The following MAP3K4 variants were observed in gnomAD, a reference collection of about 807,000 sequenced individuals.
The protein encoded by MAP3K4 is MAP three kinase 1.
A neutral mutation model predicts 185.6 loss-of-function variants in MAP3K4; 67 were observed. The ratio of observed to expected loss-of-function variants is 0.36; its 90% CI spans 0.30 to 0.44. The LOEUF (loss-of-function observed/expected upper bound fraction) is 0.44, where lower values mean the gene tolerates loss of function less well. Ranked by LOEUF, MAP3K4 falls within the 20% of genes least tolerant of loss-of-function variation. The pLI is 1.00. For missense variants in MAP3K4, 1,551 were observed against 1,995.1 expected (o/e 0.78, Z 4.24); for synonymous variants, 702 against 710.4 (o/e 0.99, Z 0.19).
chr6:161,028,168 G>A (rs1304347130), intron 1 of MAP3K4, among the ~76,000 whole-genome samples: 1 of 152,120 alleles, frequency 6.6e-6, no homozygotes, highest in Non-Finnish European at 1.5e-5. Flanking sequence ...GTTTCATCAG[G>A]GACCCCCAAA....
chr6:161,049,977 G>A lies in MAP3K4; in HGVS notation c.1705G>A (p.Glu569Lys). 1 of 1,598,098 alleles carries A rather than the reference G, an allele frequency of 6.3e-7. No homozygotes were observed. The highest frequency in any genetic ancestry group is 8.5e-7 in the Non-Finnish European group (1 of 1,173,244). The change falls in exon 3 of 27, where the codon GAG (glutamate) becomes AAG (lysine). Residue 569 changes from glutamate to lysine, a missense_variant and splice_region_variant. Physicochemically the swap from Glu to Lys is moderately conservative, Grantham distance 56 (BLOSUM62 1). Around this residue, in one of 16 missense-constraint regions of MAP3K4, gnomAD observed 86 missense variants for 81.6 expected, o/e 1.05. Coordinates refer to ENST00000392142, the MANE Select transcript of MAP3K4 (RefSeq NM_005922.4). The surrounding 1 kb of genome is among the most constrained non-coding windows in gnomAD (Gnocchi z 8.4). ...IALVKNDRPV[E>K]FSEFPDPMWG... Reference sequence around the variant, plus strand: ...ATTGGTAAAGAACGATCGTCCAGTGGAGGTAGGTTTCCAGTAGGTATTAAT... The same window carrying A: ...ATTGGTAAAGAACGATCGTCCAGTGAAGGTAGGTTTCCAGTAGGTATTAAT...
chr6:161,111,760 G>A (rs924690782), intron 23 of MAP3K4, 76 bp from the exon 24 acceptor site: 57 of 1,397,006 alleles, frequency 4.1e-5, no homozygotes, highest in Non-Finnish European at 5.6e-5. Flanking sequence ...GAAGTTCCTG[G>A]TCGTTTAGAT....
chr6:161,103,448 G>T lies in MAP3K4; in HGVS notation c.3856+669G>T, dbSNP rs1467478740. On this transcript the variant is annotated intron_variant, in intron 19 of 26. Transcript: ENST00000392142. The surrounding 1 kb of genome is among the most constrained non-coding windows in gnomAD (Gnocchi z 4.6). ...GATGTCTGGAAGGATTTTGTGGAGGGAGGAGACTGGGCTGGCCCTTTGAAG... is the reference window on the plus strand; with the variant it reads ...GATGTCTGGAAGGATTTTGTGGAGGTAGGAGACTGGGCTGGCCCTTTGAAG... Among the ~76,000 whole-genome samples the T allele has an allele frequency of 6.6e-6, 1 of 152,204 alleles. No homozygotes were observed. Among genetic ancestry groups the T allele is most frequent in the African/African-American group, 2.4e-5 (1 of 41,434 alleles).
chr6:161,036,122 G>A (rs537948826), intron 2 of MAP3K4, among the ~76,000 whole-genome samples: 4 of 152,266 alleles, frequency 2.6e-5, no homozygotes, highest in African/African-American at 9.6e-5. Context: ...AGGTTCTGTT[G>A]TCCTGCTGGT....
intron 1 of MAP3K4, among the ~76,000 whole-genome samples, chr6:161,005,520 GT>G (rs1228603444): frequency 5.3e-5 from 8 of 152,030 alleles, no homozygotes; most frequent in Admixed American, 2.0e-4. Context: ...CATTGATTAA[GT>G]CAATTTAGTA....
At position 161,108,656 on chromosome 6, in the gene MAP3K4, G is replaced by T; in HGVS notation, c.4120-87G>T. The T allele has an allele frequency of 1.3e-6, 1 of 769,308 alleles. No individual in the cohort carries two copies. The allele number at this position is 769,308 out of a possible 1,614,324, so 47.7% of individuals were successfully genotyped here. Reference sequence around the variant, plus strand: ...ACAAATCATGATTACATATATTTATGGGGTGCAAAATGATGTTTCAGTGTA... The same window carrying T: ...ACAAATCATGATTACATATATTTATTGGGTGCAAAATGATGTTTCAGTGTA... On this transcript the variant is annotated intron_variant, in intron 21 of 26. Transcript: ENST00000392142. This position sits in a 1 kb window ranked among gnomAD's most constrained non-coding sequence, Gnocchi z 5.7.
chr6:161,027,060 A>G (rs895821584), intron 1 of MAP3K4, among the ~76,000 whole-genome samples: 6 of 152,232 alleles, frequency 3.9e-5, no homozygotes, highest in African/African-American at 1.4e-4. Context: ...AGAAGACTTT[A>G]TACCAGAAGA....
intron 1 of MAP3K4, among the ~76,000 whole-genome samples, chr6:161,025,661 A>G (rs1196801620): frequency 1.3e-5 from 2 of 152,256 alleles, no homozygotes; most frequent in Non-Finnish European, 2.9e-5. Flanking sequence ...TGCCAATGAT[A>G]TAGAATGTTT....
In MAP3K4 at chr6:161,110,388, C is replaced by T. The variant is rs1175625590; in HGVS notation, c.4396+474C>T. ...ACACAAACCTTGAAATTGAGTTCTGCTGAAGGTTATTTTGGCCATGCTGAT... is the reference window on the plus strand; with the variant it reads ...ACACAAACCTTGAAATTGAGTTCTGTTGAAGGTTATTTTGGCCATGCTGAT... On this transcript the variant is annotated intron_variant, in intron 23 of 26. Coordinates refer to ENST00000392142, the MANE Select transcript of MAP3K4 (RefSeq NM_005922.4). This position sits in a 1 kb window ranked among gnomAD's most constrained non-coding sequence, Gnocchi z 4.8. 1.3e-5 allele frequency among the ~76,000 whole-genome samples: 2 copies of T among 152,124 alleles called. No individual in the cohort carries two copies. The highest frequency in any genetic ancestry group is 2.4e-5 in the African/African-American group (1 of 41,412).
chr6:161,014,562 C>T (rs1037720617), intron 1 of MAP3K4, among the ~76,000 whole-genome samples: 1 of 152,070 alleles, frequency 6.6e-6, no homozygotes, highest in Non-Finnish European at 1.5e-5. Flanking sequence ...TGAGATAGTC[C>T]CTTTTTTTAT....
In MAP3K4 at chr6:161,064,665, T is replaced by C. The variant is rs1197693763; in HGVS notation, c.1708-5943T>C. Among the ~76,000 whole-genome samples the C allele has an allele frequency of 6.6e-6, 1 of 152,236 alleles. No homozygotes were observed. The highest frequency in any genetic ancestry group is 1.5e-5 in the Non-Finnish European group (1 of 68,038). Reference sequence around the variant, plus strand: ...ACTTTCTTCCACATGGGCTTTATTATGGATTTGTCAAATCCACACAACATG... The same window carrying C: ...ACTTTCTTCCACATGGGCTTTATTACGGATTTGTCAAATCCACACAACATG... On this transcript the variant is annotated intron_variant, in intron 3 of 26. Coordinates refer to ENST00000392142, the MANE Select transcript of MAP3K4 (RefSeq NM_005922.4). This position sits in a 1 kb window ranked among gnomAD's most constrained non-coding sequence, Gnocchi z 4.3.
chr6:161,008,782 A>G lies in MAP3K4; in HGVS notation c.152+16699A>G, dbSNP rs1203808101. On this transcript the variant is annotated intron_variant, in intron 1 of 26. Coordinates refer to ENST00000392142, the MANE Select transcript of MAP3K4 (RefSeq NM_005922.4). The surrounding 1 kb of genome is among the most constrained non-coding windows in gnomAD (Gnocchi z 4.1). ...TTCTTTCCTCATTATCCTGACATTTACTGATATTTTACATCTACTACTTTC... is the reference window on the plus strand; with the variant it reads ...TTCTTTCCTCATTATCCTGACATTTGCTGATATTTTACATCTACTACTTTC... Among the ~76,000 whole-genome samples the G allele has an allele frequency of 6.6e-6, 1 of 152,120 alleles. No homozygotes were observed. The highest frequency in any genetic ancestry group is 1.5e-5 in the Non-Finnish European group (1 of 68,030).
rs182121801 is a variant in MAP3K4, at chr6:161,070,130, A to G, written c.1708-478A>G. On this transcript the variant is annotated intron_variant, in intron 3 of 26. Coordinates refer to ENST00000392142, the MANE Select transcript of MAP3K4 (RefSeq NM_005922.4). The surrounding 1 kb of genome is among the most constrained non-coding windows in gnomAD (Gnocchi z 4.5). ...CTCAGGGGAACAAATGGACAGAAGA[A>G]TTAGTGGAACTGATTAGTTTTTATG... Among the ~76,000 whole-genome samples the G allele has an allele frequency of 3.9e-5, 6 of 152,332 alleles. No individual in the cohort carries two copies. Among genetic ancestry groups the G allele is most frequent in the Admixed American group, 2.6e-4 (4 of 15,302 alleles).
chr6:161,069,052 T>C lies in MAP3K4; in HGVS notation c.1708-1556T>C, dbSNP rs539869924. 1.2e-4 allele frequency among the ~76,000 whole-genome samples: 18 copies of C among 152,340 alleles called. No homozygotes were observed. The South Asian group carries it at 3.7e-3, about 32-fold the overall frequency. The stretch of plus-strand genomic sequence containing the variant: ...AACAGTAGTGATTTTACTAATGTTA[T>C]ATGTAGTATGTTTTTAGAGCGTTTT... On this transcript the variant is annotated intron_variant, in intron 3 of 26. Coordinates refer to ENST00000392142, the MANE Select transcript of MAP3K4 (RefSeq NM_005922.4).
At position 161,092,048 on chromosome 6, in the gene MAP3K4, T is replaced by C. The variant is rs141688685; in HGVS notation, c.3174T>C (p.Phe1058=). 2 of 1,613,480 alleles carry C rather than the reference T, an allele frequency of 1.2e-6. No individual in the cohort carries two copies. Among genetic ancestry groups the C allele is most frequent in the African/African-American group, 2.7e-5 (2 of 74,930 alleles). ...TTGTTCGTTTGATGTCTGGGGAGTTTAGACAGAAGATAGGAGACAAATATA... is the reference window on the plus strand; with the variant it reads ...TTGTTCGTTTGATGTCTGGGGAGTTCAGACAGAAGATAGGAGACAAATATA... ...KEVVRLMSGE[F]RQKIGDKYIS... is the part of the protein sequence containing the mutation. The change falls in exon 13 of 27, where the codon TTT becomes TTC. Residue 1058 remains phenylalanine, a synonymous_variant. Coordinates refer to ENST00000392142, the MANE Select transcript of MAP3K4 (RefSeq NM_005922.4).
rs1781675714 is a variant in MAP3K4, at chr6:161,008,012, G to A, written c.152+15929G>A. 6.6e-6 allele frequency among the ~76,000 whole-genome samples: 1 copy of A among 152,172 alleles called. No homozygotes were observed. Among genetic ancestry groups the A allele is most frequent in the South Asian group, 2.1e-4 (1 of 4,832 alleles). ...ACTTTTTATGTGATAAATATGGTAA[G>A]GCATAGCTATTGTCTTCTATAAAAT... On this transcript the variant is annotated intron_variant, in intron 1 of 26. Transcript: ENST00000392142. The surrounding 1 kb of genome is among the most constrained non-coding windows in gnomAD (Gnocchi z 4.1).
chr6:161,084,474 G>T lies in MAP3K4; in HGVS notation c.2256-27G>T. The T allele has an allele frequency of 9.1e-7, 1 of 1,103,484 alleles. No homozygotes were observed. The allele number at this position is 1,103,484 out of a possible 1,614,324, so 68.4% of individuals were successfully genotyped here. ...ATGAGTAGGGACAGTTTTCTTCTCT[G>T]TTTTATTTTTATTTTTGTTCCCTTA... On this transcript the variant is annotated intron_variant, in intron 6 of 26. Transcript: ENST00000392142. The surrounding 1 kb of genome is among the most constrained non-coding windows in gnomAD (Gnocchi z 4.6).
Position 161,076,481 on chromosome 6 carries a change from G to GTTGAC in MAP3K4, c.2097+2869_2097+2870insTTGAC, listed in dbSNP as rs977478745. Among the ~76,000 whole-genome samples, 3 of 152,162 alleles carry GTTGAC rather than the reference G, an allele frequency of 2.0e-5. No homozygotes were observed. The highest frequency in any genetic ancestry group is 7.2e-5 in the African/African-American group (3 of 41,446). ...AAAAACTGAGACACTTAAGCATGTA[G>GTTGAC]GTCAAAGGAAGTAACTTGGTGAGCA... On this transcript the variant is annotated intron_variant, in intron 5 of 26. Transcript: ENST00000392142. This position sits in a 1 kb window ranked among gnomAD's most constrained non-coding sequence, Gnocchi z 4.2.
intron 23 of MAP3K4, among the ~76,000 whole-genome samples, chr6:161,111,392 A>G (rs910137690): frequency 6.6e-6 from 1 of 150,824 alleles, no homozygotes; most frequent in Non-Finnish European, 1.5e-5. Context: ...GTCACGTCAT[A>G]TAAATGCAAG....
Sources: allele counts gnomAD v4.1 joint callset (sites outside exome capture counted in the v4.1 genomes callset), GRCh38; gene constraint gnomAD v4.1.1; regional missense constraint gnomAD v4.1.1; non-coding constraint Gnocchi (gnomAD v3.1); transcripts MANE v1.5; gene names NCBI Gene and HGNC (gene_info 2026-07-23, HGNC 2026-07-21).